Variants in PRDM5 observed in about 807,000 individuals in gnomAD.
PRDM5 encodes the protein PR domain zinc finger protein 5.
PRDM5 carries 56 observed loss-of-function variants against 81.2 expected under a neutral mutation model. The ratio of observed to expected loss-of-function variants is 0.69; its 90% confidence interval spans 0.56 to 0.86. The LOEUF (loss-of-function observed/expected upper bound fraction) is 0.86, where lower values mean the gene tolerates loss of function less well. Ranked by LOEUF, PRDM5 falls within the 40% of genes least tolerant of loss-of-function variation. The pLI is 0.00. For missense variants in PRDM5, 697 were observed against 770.1 expected (o/e 0.91, Z 1.12); for synonymous variants, 267 against 256.4 (o/e 1.04, Z -0.39).
intron 7 of PRDM5, 197 bp downstream of exon 7, chr4:120,816,256 A>G: frequency 2.4e-6 from 2 of 846,572 alleles, no homozygotes; most frequent in Non-Finnish European, 3.7e-6. Flanking sequence ...AATGGGAAAA[A>G]GAACAAATGC....
intron 2 of PRDM5, among the ~76,000 whole-genome samples, chr4:120,871,993 A>T (rs1470782420): frequency 6.6e-6 from 1 of 151,748 alleles, no homozygotes; most frequent in Non-Finnish European, 1.5e-5. Flanking sequence ...TCTACTAAAA[A>T]TTCAAAAATT....
In PRDM5 at chr4:120,842,103, G is replaced by A. The variant is rs193193359; in HGVS notation, c.300+11315C>T. 8.3e-4 allele frequency among the ~76,000 whole-genome samples: 127 copies of A among 152,306 alleles called. 1 individual carries two copies. The highest frequency in any genetic ancestry group is 1.7e-3 in the South Asian group (8 of 4,824). On this transcript the variant is annotated intron_variant, in intron 3 of 15. Coordinates refer to ENST00000264808, the MANE Select transcript of PRDM5 (RefSeq NM_018699.4). Reference sequence around the variant, plus strand: ...TGAACTCTCTGGTTGTTAATCAACAGAGTATCTGAATTAAAGGTTCTGCTT... The same window carrying A: ...TGAACTCTCTGGTTGTTAATCAACAAAGTATCTGAATTAAAGGTTCTGCTT...
chr4:120,805,337 C>T (rs1381652290), intron 8 of PRDM5, among the ~76,000 whole-genome samples: 1 of 152,166 alleles, frequency 6.6e-6, no homozygotes, highest in Admixed American at 6.5e-5. Context: ...GGGAATCCTC[C>T]CTAACTCATT....
At chr4:120,749,167 G>A (rs527886804) in intron 14 of PRDM5, among the ~76,000 whole-genome samples, 1 of 151,616 alleles carries the variant, frequency 6.6e-6, no homozygotes, top group Non-Finnish European at 1.5e-5. Flanking sequence ...AACATTTTGT[G>A]AGCCAAGGTC....
intron 14 of PRDM5, among the ~76,000 whole-genome samples, chr4:120,747,169 T>C (rs1743229371): frequency 6.7e-6 from 1 of 150,104 alleles, no homozygotes; most frequent in African/African-American, 2.5e-5. Context: ...TCATTCTCAG[T>C]AAACTATCGC....
intron 1 of PRDM5, among the ~76,000 whole-genome samples, chr4:120,914,855 G>T (rs1384260600): frequency 6.6e-6 from 1 of 152,176 alleles, no homozygotes; most frequent in African/African-American, 2.4e-5. Flanking sequence ...TCTGGCAGCG[G>T]CTTGGATCTA....
At chr4:120,698,014 T>C (rs1472121732) in intron 15 of PRDM5, among the ~76,000 whole-genome samples, 1 of 152,116 alleles carries the variant, frequency 6.6e-6, no homozygotes, top group Non-Finnish European at 1.5e-5. Context: ...CTGACATTGG[T>C]TGGAAAATTG....
chr4:120,685,766 T>A (rs954160924), intron 1 of PRDM5, among the ~76,000 whole-genome samples: 7 of 152,184 alleles, frequency 4.6e-5, no homozygotes, highest in African/African-American at 1.7e-4. Context: ...TTCAGTTAAG[T>A]AAATGATGTT....
intron 2 of PRDM5, among the ~76,000 whole-genome samples, chr4:120,861,736 T>C (rs1760612743): frequency 1.3e-5 from 2 of 150,952 alleles, no homozygotes; most frequent in South Asian, 4.2e-4. Context: ...AGGTGAAAGC[T>C]GCAGCGAGCC....
chr4:120,852,833 T>C (rs1240556859), intron 3 of PRDM5, among the ~76,000 whole-genome samples: 9 of 145,362 alleles, frequency 6.2e-5, no homozygotes, highest in African/African-American at 1.8e-4. Context: ...ATAGTCTTGC[T>C]CTGTTGCCCA....
At chr4:120,843,966 G>A (rs1322988098) in intron 3 of PRDM5, among the ~76,000 whole-genome samples, 1 of 152,102 alleles carries the variant, frequency 6.6e-6, no homozygotes, top group Non-Finnish European at 1.5e-5. Context: ...GTCATCCACA[G>A]TAAATACTAC....
At chr4:120,737,570 A>T (rs1254356608) in intron 14 of PRDM5, among the ~76,000 whole-genome samples, 1 of 152,316 alleles carries the variant, frequency 6.6e-6, no homozygotes, top group South Asian at 2.1e-4. Flanking sequence ...TTCCTGACAG[A>T]CACAAGCAGG....
chr4:120,840,436 C>A (rs1757893446), intron 3 of PRDM5, among the ~76,000 whole-genome samples: 1 of 152,112 alleles, frequency 6.6e-6, no homozygotes. Flanking sequence ...TGGCCCTGGG[C>A]AGCCCCACGC....
chr4:120,780,561 A>T (rs936805980), intron 12 of PRDM5, among the ~76,000 whole-genome samples: 1 of 152,184 alleles, frequency 6.6e-6, no homozygotes, highest in Admixed American at 6.6e-5. Flanking sequence ...AATAAACTTG[A>T]TTCCCTTGAG....
Position 120,839,171 on chromosome 4 carries a change from C to T in PRDM5, c.300+14247G>A, listed in dbSNP as rs1757701462. ...ATCCCTGAAAGGCTGCAGCTCTTCT[C>T]TCCTTCTCTTCACTCGCAATGTGGC... On this transcript the variant is annotated intron_variant, in intron 3 of 15. Coordinates refer to ENST00000264808, the MANE Select transcript of PRDM5 (RefSeq NM_018699.4). 2.3e-5 allele frequency: 16 copies of T among 697,030 alleles called. No homozygotes were observed. The East Asian group carries it at 4.3e-4, about 19-fold the overall frequency. 43.2% of individuals were successfully genotyped at this position (697,030 alleles called of 1,614,324 possible).
At chr4:120,689,600 C>CTTTTTTTTTTTTTTTTT (rs68162390), downstream of PRDM5, among the ~76,000 whole-genome samples, 1 of 143,978 alleles carries the variant, frequency 6.9e-6, no homozygotes, top group African/African-American at 2.6e-5. Context: ...TTTCAAAATT[C>CTTTTTTTTTTTTTTTTT]TTTTTTTTTT....
At chr4:120,799,816 G>A (rs1160813207) in intron 8 of PRDM5, 71 bp from the exon 9 acceptor site, 1 of 1,565,710 alleles carries the variant, frequency 6.4e-7, no homozygotes, top group African/African-American at 1.4e-5. Flanking sequence ...TCAAGCAAAA[G>A]TGTAAACATG....
intron 8 of PRDM5, among the ~76,000 whole-genome samples, chr4:120,803,915 G>C (rs1439113613): frequency 6.6e-6 from 1 of 152,150 alleles, no homozygotes; most frequent in Non-Finnish European, 1.5e-5. Context: ...TGGCAAATTG[G>C]ATAGAGAGTC....
At chr4:120,791,842 T>A (rs1308765438) in intron 10 of PRDM5, among the ~76,000 whole-genome samples, 1 of 152,210 alleles carries the variant, frequency 6.6e-6, no homozygotes, top group Admixed American at 6.5e-5. Context: ...ACTGGATTAG[T>A]GCCGTTATCA....
Sources: gnomAD v4.1 joint callset for allele counts (sites outside exome capture counted in the v4.1 genomes callset) on GRCh38, gnomAD v4.1.1 for gene constraint, MANE v1.5 for transcripts, NCBI Gene and HGNC (gene_info 2026-07-23, HGNC 2026-07-21) for gene names.